Variants in NTM observed in about 807,000 individuals in gnomAD.
NTM encodes the protein neurotrimin.
NTM carries 13 observed loss-of-function variants against 42.1 expected under a neutral mutation model. That is an observed-to-expected ratio of 0.31 (90% CI 0.20 to 0.49). The LOEUF is 0.49. NTM is among the 20% of genes least tolerant of loss of function. The pLI is 0.99. For missense variants in NTM, 373 were observed against 452.8 expected (o/e 0.82, Z 1.60); for synonymous variants, 187 against 179.2 (o/e 1.04, Z -0.35).
intron 1 of NTM, among the ~76,000 whole-genome samples, chr11:131,556,856 G>A (rs1051944441): frequency 4.4e-4 from 67 of 152,190 alleles, no homozygotes; most frequent in African/African-American, 1.2e-3. Context: ...GTGAGCCACC[G>A]CACCCAGCCT....
rs919705420 is a variant in NTM, at chr11:131,577,323, G to A, written c.82+206435G>A. On this transcript the variant is annotated intron_variant, in intron 1 of 8. Coordinates refer to ENST00000683400, the MANE Select transcript of NTM (RefSeq NM_001352005.2). ...AGGATTCTTTGGGGCATTTAGATGT[G>A]TGCATTTCAGTAATGGACTTACTTA... 2.6e-5 allele frequency among the ~76,000 whole-genome samples: 4 copies of A among 152,088 alleles called. No individual in the cohort carries two copies. In the East Asian group the frequency reaches 7.7e-4, roughly 29 times the overall value.
chr11:131,735,835 GGTGT>G (rs398018112), intron 1 of NTM, among the ~76,000 whole-genome samples: 4,960 of 121,268 alleles, frequency 0.041, 231 homozygotes, highest in African/African-American at 0.11. Context: ...CCATTCATAA[GGTGT>G]GTGTGTGTGT....
intron 4 of NTM, among the ~76,000 whole-genome samples, chr11:132,228,788 G>A (rs2086849410): frequency 6.6e-6 from 1 of 152,142 alleles, no homozygotes; most frequent in South Asian, 2.1e-4. Flanking sequence ...TGCATCACCA[G>A]TTTCCTAGAC....
chr11:131,671,682 G>A, intron 1 of NTM: 2 of 852,082 alleles, frequency 2.3e-6, no homozygotes, highest in Non-Finnish European at 2.8e-6. Context: ...CAGACGCCTT[G>A]GGCTAATTCA....
At chr11:131,457,389 C>T (rs1950988513) in intron 1 of NTM, among the ~76,000 whole-genome samples, 1 of 151,560 alleles carries the variant, frequency 6.6e-6, no homozygotes, top group African/African-American at 2.4e-5. Flanking sequence ...CACAGGAACC[C>T]AAAAGAGGGG....
At chr11:131,430,280 T>C (rs962237171) in intron 1 of NTM, among the ~76,000 whole-genome samples, 1 of 152,202 alleles carries the variant, frequency 6.6e-6, no homozygotes, top group Admixed American at 6.5e-5. Context: ...GAGAAAAGTA[T>C]ATTTTTAAAC....
chr11:131,509,494 C>T (rs534655952), intron 1 of NTM, among the ~76,000 whole-genome samples: 1 of 152,210 alleles, frequency 6.6e-6, no homozygotes, highest in African/African-American at 2.4e-5. Flanking sequence ...AGAATGTAAA[C>T]TTCCTGAAGG....
chr11:132,144,146 G>C (rs2069810019), intron 2 of NTM, among the ~76,000 whole-genome samples: 1 of 152,208 alleles, frequency 6.6e-6, no homozygotes, highest in African/African-American at 2.4e-5. Context: ...TTTGTGTAGT[G>C]TGGTGCTAGC....
intron 1 of NTM, among the ~76,000 whole-genome samples, chr11:131,578,038 G>T (rs1476223756): frequency 6.6e-6 from 1 of 152,202 alleles, no homozygotes; most frequent in Admixed American, 6.5e-5. Context: ...ATGTCAAGCG[G>T]CAGGCTGCTA....
At chr11:131,387,828 A>G (rs1943512939) in intron 1 of NTM, among the ~76,000 whole-genome samples, 1 of 152,088 alleles carries the variant, frequency 6.6e-6, no homozygotes, top group South Asian at 2.1e-4. Context: ...GGAGAACAAA[A>G]GTTTGTCAAG....
intron 1 of NTM, among the ~76,000 whole-genome samples, chr11:131,560,316 G>A (rs4937637): frequency 0.08 from 12,159 of 152,134 alleles, 904 homozygotes; most frequent in East Asian, 0.4. Context: ...CTACCTGAAC[G>A]CAGATCCCCG....
At chr11:132,122,207 G>A (rs529648213) in intron 2 of NTM, among the ~76,000 whole-genome samples, 6 of 152,320 alleles carry the variant, frequency 3.9e-5, no homozygotes, top group East Asian at 3.9e-4. Flanking sequence ...GGGCTGGGGC[G>A]CTGGGACCCT....
chr11:131,388,312 C>T (rs540173593), intron 1 of NTM, among the ~76,000 whole-genome samples: 1 of 152,032 alleles, frequency 6.6e-6, no homozygotes, highest in East Asian at 1.9e-4. Flanking sequence ...GCTAGGGCTG[C>T]CAGATTTAGC....
chr11:132,330,254 C>T, intron 8 of NTM, 69 bp downstream of exon 8: 2 of 1,514,258 alleles, frequency 1.3e-6, no homozygotes, highest in Non-Finnish European at 1.8e-6. Flanking sequence ...CACCTTCCTC[C>T]CAGATGCCTT....
At chr11:131,406,536 A>G (rs1164634585) in intron 1 of NTM, among the ~76,000 whole-genome samples, 2 of 152,210 alleles carry the variant, frequency 1.3e-5, no homozygotes, top group East Asian at 1.9e-4. Context: ...CTTGGATAAC[A>G]CCAAAACCTA....
At chr11:131,556,527 G>C (rs1036148125) in intron 1 of NTM, among the ~76,000 whole-genome samples, 9 of 150,050 alleles carry the variant, frequency 6.0e-5, no homozygotes, top group Admixed American at 1.3e-4. Context: ...ATTCTGCTCT[G>C]TAAAAAGACC....
intron 2 of NTM, among the ~76,000 whole-genome samples, chr11:131,998,195 A>G (rs1412831447): frequency 6.6e-6 from 1 of 152,212 alleles, no homozygotes; most frequent in Admixed American, 6.5e-5. Context: ...ATTGCACTGC[A>G]GAAACCCTTG....
Position 132,101,808 on chromosome 11 carries a change from C to G in NTM, c.168-44474C>G, listed in dbSNP as rs76766070. Among the ~76,000 whole-genome samples, 1,100 of 152,278 alleles carry G rather than the reference C, an allele frequency of 7.2e-3. 11 individuals are homozygous for G. The highest frequency in any genetic ancestry group is 0.024 in the African/African-American group (996 of 41,544). The stretch of plus-strand genomic sequence containing the variant: ...TCTCATTTCCCTGCCTCCTGTCCTG[C>G]CTCACCTAACTCCAACCTTGCATCT... On this transcript the variant is annotated intron_variant, in intron 2 of 8. Transcript: ENST00000683400.
At chr11:131,979,476 G>A (rs759078673) in intron 2 of NTM, among the ~76,000 whole-genome samples, 4 of 152,180 alleles carry the variant, frequency 2.6e-5, no homozygotes, top group Non-Finnish European at 5.9e-5. Flanking sequence ...TTCAAAAATT[G>A]GGCAAACCTC....
Sources: gnomAD v4.1 joint callset for allele counts (sites outside exome capture counted in the v4.1 genomes callset) on GRCh38, gnomAD v4.1.1 for gene constraint, MANE v1.5 for transcripts, NCBI Gene and HGNC (gene_info 2026-07-23, HGNC 2026-07-21) for gene names.